The following PPP2R2A variants were observed in gnomAD, a reference collection of about 807,000 sequenced individuals.
The protein encoded by PPP2R2A is protein phosphatase 2 regulatory subunit Balpha.
A neutral mutation model predicts 53.2 loss-of-function variants in PPP2R2A; 9 were observed. The observed-to-expected ratio is 0.17, with a 90% CI of 0.10 to 0.30. PPP2R2A has a LOEUF of 0.30. Among genes scored for constraint, PPP2R2A ranks in the 10% least tolerant of loss-of-function variants. The pLI is 1.00. For missense variants in PPP2R2A, 235 were observed against 534.6 expected (o/e 0.44, Z 5.53); for synonymous variants, 169 against 174.2 (o/e 0.97, Z 0.23).
Position 26,358,913 on chromosome 8 carries a change from C to G in PPP2R2A, c.347-1256C>G, listed in dbSNP as rs915029950. 1.1e-4 allele frequency: 48 copies of G among 455,884 alleles called. No homozygotes were observed. The Admixed American group carries it at 1.1e-3, about 10-fold the overall frequency. 28.2% of individuals were successfully genotyped at this position (455,884 alleles called of 1,614,324 possible). A position where few individuals can be genotyped will look rare whatever the true frequency, so the allele number is the denominator to read the frequency against. ...ACTTATTTCTCCCTTTAAGTACAGG[C>G]TGGATTTAGTGACTCACTTCCAAAG... On this transcript the variant is annotated intron_variant, in intron 4 of 9. Transcript: ENST00000380737.
intron 2 of PPP2R2A, among the ~76,000 whole-genome samples, chr8:26,304,979 G>A (rs184717275): frequency 3.2e-4 from 49 of 152,148 alleles, no homozygotes; most frequent in African/African-American, 1.2e-3. Context: ...CAAATACACT[G>A]TTCAGTAGTG....
rs149346350 is a variant in PPP2R2A, at chr8:26,321,192, A to G, written c.83-17698A>G. Among the ~76,000 whole-genome samples the G allele has an allele frequency of 2.3e-4, 35 of 152,354 alleles. 1 individual carries two copies. In the East Asian group the frequency reaches 6.7e-3, roughly 29 times the overall value. ...CTAGTAGGAGTAAGTGACAGGACCT[A>G]CTTTGAATAGCCAGAGTTAGAATTG... On this transcript the variant is annotated intron_variant, in intron 2 of 9. Transcript: ENST00000380737. This position sits in a 1 kb window ranked among gnomAD's most constrained non-coding sequence, Gnocchi z 4.1.
intron 3 of PPP2R2A, among the ~76,000 whole-genome samples, chr8:26,340,860 T>C (rs1181736355): frequency 6.6e-6 from 1 of 152,144 alleles, no homozygotes; most frequent in Non-Finnish European, 1.5e-5. Context: ...TTACTGAAAT[T>C]ACTCATTTAC....
At chr8:26,346,117 G>GTTATTA (rs71551870) in intron 3 of PPP2R2A, among the ~76,000 whole-genome samples, 5,263 of 144,364 alleles carry the variant, frequency 0.036, 111 homozygotes, top group Middle Eastern at 0.065. Context: ...TACCAGTCGG[G>GTTATTA]TTATTATTAT....
chr8:26,335,801 C>T (rs1170013542), intron 2 of PPP2R2A, among the ~76,000 whole-genome samples: 1 of 152,192 alleles, frequency 6.6e-6, no homozygotes, highest in Admixed American at 6.5e-5. Flanking sequence ...CCTCACCCTA[C>T]ACAAGGGTCC....
At chr8:26,337,153 G>A (rs1216103276) in intron 2 of PPP2R2A, among the ~76,000 whole-genome samples, 3 of 152,154 alleles carry the variant, frequency 2.0e-5, no homozygotes, top group Non-Finnish European at 4.4e-5. Context: ...TCAGATGTGA[G>A]CATTTCACCA....
At chr8:26,318,091 T>C (rs763411139) in intron 2 of PPP2R2A, among the ~76,000 whole-genome samples, 1 of 152,024 alleles carries the variant, frequency 6.6e-6, no homozygotes, top group Non-Finnish European at 1.5e-5. Context: ...GTTCTGAGAG[T>C]GAAGGTGCCA....
chr8:26,293,220 G>GA, intron 1 of PPP2R2A: 1 of 1,535,292 alleles, frequency 6.5e-7, no homozygotes. Flanking sequence ...AGGTTCATAT[G>GA]AATCATTACT....
intron 2 of PPP2R2A, among the ~76,000 whole-genome samples, chr8:26,311,596 G>A (rs1348519113): frequency 7.2e-5 from 11 of 152,172 alleles, no homozygotes; most frequent in Non-Finnish European, 1.6e-4. Flanking sequence ...TTGAAGCCAC[G>A]AGTTCAAAGC....
chr8:26,364,646 C>A (rs1805274621), intron 8 of PPP2R2A, among the ~76,000 whole-genome samples: 2 of 152,222 alleles, frequency 1.3e-5, no homozygotes, highest in Non-Finnish European at 2.9e-5. Context: ...TTTAAATCCT[C>A]TGACAAACAT....
At chr8:26,346,750 C>T (rs1419705390) in intron 3 of PPP2R2A, among the ~76,000 whole-genome samples, 4 of 152,192 alleles carry the variant, frequency 2.6e-5, no homozygotes, top group Admixed American at 2.0e-4. Context: ...AAGGATTTGA[C>T]TTGTGCCTTT....
Position 26,338,826 on chromosome 8 carries a change from TC to T in PPP2R2A, c.83-63del, listed in dbSNP as rs1486030275. 8.5e-6 allele frequency: 10 copies of T among 1,173,368 alleles called. No individual in the cohort carries two copies. The highest frequency in any genetic ancestry group is 3.1e-5 in the African/African-American group (2 of 65,038). 72.7% of individuals were successfully genotyped at this position (1,173,368 alleles called of 1,614,324 possible). A position where few individuals can be genotyped will look rare whatever the true frequency, so the allele number is the denominator to read the frequency against. On this transcript the variant is annotated intron_variant, in intron 2 of 9. Coordinates refer to ENST00000380737, the MANE Select transcript of PPP2R2A (RefSeq NM_002717.4). The surrounding 1 kb of genome is among the most constrained non-coding windows in gnomAD (Gnocchi z 4.5). ...GAATGTTTGGGAAAACACGCTAAGT[TC>T]TGAAACTAGTGAGTCGGGAAAGAAA... is the stretch of plus-strand genomic sequence containing the variant.
intron 3 of PPP2R2A, among the ~76,000 whole-genome samples, chr8:26,342,521 G>A (rs569147169): frequency 6.6e-6 from 1 of 152,256 alleles, no homozygotes; most frequent in Admixed American, 6.5e-5. Flanking sequence ...ACTGAGTTGG[G>A]TTGCTCAGAC....
intron 2 of PPP2R2A, among the ~76,000 whole-genome samples, chr8:26,335,792 C>G (rs1331958939): frequency 6.6e-6 from 1 of 152,098 alleles, no homozygotes; most frequent in Non-Finnish European, 1.5e-5. Context: ...TCTAGGATTC[C>G]TCACCCTACA....
intron 2 of PPP2R2A, among the ~76,000 whole-genome samples, chr8:26,305,093 T>G (rs2117213276): frequency 6.6e-6 from 1 of 152,236 alleles, no homozygotes; most frequent in East Asian, 1.9e-4. Context: ...TCCCCTCAGC[T>G]CTTGGCAGCT....
chr8:26,312,498 T>C (rs1802336193), intron 2 of PPP2R2A, among the ~76,000 whole-genome samples: 1 of 152,234 alleles, frequency 6.6e-6, no homozygotes, highest in South Asian at 2.1e-4. Flanking sequence ...GCTTAATTTT[T>C]TTACTCAGCA....
chr8:26,356,116 C>CT (rs1804770959), intron 4 of PPP2R2A, among the ~76,000 whole-genome samples: 1 of 152,126 alleles, frequency 6.6e-6, no homozygotes, highest in Admixed American at 6.5e-5. Context: ...AGGGGAACCT[C>CT]TTATTTTCTC....
chr8:26,360,292 A>G lies in PPP2R2A; in HGVS notation c.459+11A>G, dbSNP rs775922135. The G allele has an allele frequency of 2.2e-5, 33 of 1,511,278 alleles. No homozygotes were observed. The highest frequency in any genetic ancestry group is 3.0e-5 in the Non-Finnish European group (33 of 1,100,140). 93.6% of individuals were successfully genotyped at this position (1,511,278 alleles called of 1,614,324 possible). ...GTTACTACACTACGAGTAAGTACATAAGAAAAAAATGTCACAGATAGTGCT... is the reference window on the plus strand; with the variant it reads ...GTTACTACACTACGAGTAAGTACATGAGAAAAAAATGTCACAGATAGTGCT... On this transcript the variant is annotated intron_variant, in intron 5 of 9. Transcript: ENST00000380737. This position sits in a 1 kb window ranked among gnomAD's most constrained non-coding sequence, Gnocchi z 4.5.
At position 26,325,084 on chromosome 8, in the gene PPP2R2A, C is replaced by T. The variant is rs147221536; in HGVS notation, c.83-13806C>T. Among the ~76,000 whole-genome samples, 933 of 150,732 alleles carry T rather than the reference C, an allele frequency of 6.2e-3. 11 individuals are homozygous for T. Among genetic ancestry groups the T allele is most frequent in the African/African-American group, 0.021 (878 of 40,876 alleles). The stretch of plus-strand genomic sequence containing the variant: ...TGAAATGAGTTAAGACGTTGGGGGA[C>T]TGTTGGGAAGGCATGATTGGTTTTA... On this transcript the variant is annotated intron_variant, in intron 2 of 9. Coordinates refer to ENST00000380737, the MANE Select transcript of PPP2R2A (RefSeq NM_002717.4).
Sources: allele counts gnomAD v4.1 joint callset (sites outside exome capture counted in the v4.1 genomes callset), GRCh38; gene constraint gnomAD v4.1.1; non-coding constraint Gnocchi (gnomAD v3.1); transcripts MANE v1.5; gene names NCBI Gene and HGNC (gene_info 2026-07-23, HGNC 2026-07-21).